CCDC30: variants seen among roughly 807,000 people sequenced by gnomAD.
The protein encoded by CCDC30 is coiled-coil domain-containing protein 30.
CCDC30 carries 70 observed loss-of-function variants against 100.2 expected under a neutral mutation model. The ratio of observed to expected loss-of-function variants is 0.70; its 90% CI spans 0.58 to 0.85. The LOEUF is 0.85. Ranked by LOEUF, CCDC30 falls within the 40% of genes least tolerant of loss-of-function variation. CCDC30 has a pLI of 0.00. For synonymous variants in CCDC30, 233 were observed against 269.5 expected (o/e 0.86, Z 1.33); for missense variants, 652 against 771.2 (o/e 0.85, Z 1.83).
At chr1:42,511,309 T>G (rs1486102804) in intron 6 of CCDC30, among the ~76,000 whole-genome samples, 3 of 152,162 alleles carry the variant, frequency 2.0e-5, no homozygotes, top group African/African-American at 7.2e-5. Context: ...TTATGTGATC[T>G]GCATCCTCCC....
intron 13 of CCDC30, 63 bp from the exon 18 acceptor site, chr1:42,644,630 T>C (rs2148689560): frequency 1.0e-6 from 1 of 974,008 alleles, no homozygotes; most frequent in Non-Finnish European, 1.6e-6. Context: ...TGGGATGTAG[T>C]TTTGGGTTTT....
rs1284700956 is a variant in CCDC30, at chr1:42,536,474, A to AT, written c.457-29822_457-29821insT. On this transcript the variant is annotated intron_variant, in intron 6 of 16. Coordinates refer to ENST00000668663, the Ensembl canonical transcript of CCDC30. ...ATTAATTATGTAAAATGCTTTTTAC[A>AT]GATCCTGAAAATGAGCCAAGAAAAA... 1.3e-6 allele frequency: 2 copies of AT among 1,586,572 alleles called. No homozygotes were observed. The highest frequency in any genetic ancestry group is 1.1e-5 in the South Asian group (1 of 87,734).
chr1:42,465,275 C>T (rs376702561), intron 1 of CCDC30, among the ~76,000 whole-genome samples: 10 of 152,274 alleles, frequency 6.6e-5, no homozygotes, highest in South Asian at 2.1e-4. Context: ...CGCACCACTG[C>T]GCTCCAACCT....
intron 14 of CCDC30, among the ~76,000 whole-genome samples, chr1:42,645,787 T>C (rs368022164): frequency 6.6e-6 from 1 of 152,240 alleles, no homozygotes; most frequent in East Asian, 1.9e-4. Context: ...TTCATTCTTT[T>C]ACTTATTCAT....
At chr1:42,617,052 C>T (rs1646739494) in intron 11 of CCDC30, among the ~76,000 whole-genome samples, 1 of 152,090 alleles carries the variant, frequency 6.6e-6, no homozygotes, top group Non-Finnish European at 1.5e-5. Context: ...ACAAAAGATG[C>T]TTATAAAAGG....
chr1:42,473,611 T>C (rs1569711506), intron 1 of CCDC30: 1 of 257,892 alleles, frequency 3.9e-6, no homozygotes, highest in East Asian at 6.7e-5. Flanking sequence ...TGACTCTTTT[T>C]TTTGAAGGCT....
At chr1:42,500,406 C>T (rs1644292630) in intron 6 of CCDC30, 3 of 987,060 alleles carry the variant, frequency 3.0e-6, no homozygotes, top group South Asian at 1.4e-5. Flanking sequence ...CAGTGGCCAC[C>T]ACCGAGTTCT....
intron 5 of CCDC30, among the ~76,000 whole-genome samples, chr1:42,498,070 A>C (rs12564046): frequency 0.14 from 20,702 of 152,264 alleles, 1,544 homozygotes; most frequent in East Asian, 0.18. Context: ...TGGTATAGCC[A>C]TACAATGGAA....
At chr1:42,470,107 G>T (rs1322667208) in intron 1 of CCDC30, among the ~76,000 whole-genome samples, 1 of 152,152 alleles carries the variant, frequency 6.6e-6, no homozygotes, top group Non-Finnish European at 1.5e-5. Flanking sequence ...AAGATAACTG[G>T]GGATGTTGGT....
the CCDC30 span, chr1:42,456,147 T>C: frequency 5.9e-6 from 4 of 673,844 alleles, no homozygotes; most frequent in African/African-American, 3.6e-5. Context: ...TCTGGGTGTA[T>C]TGCTGAAGTT....
chr1:42,528,907 G>A (rs1294503970), intron 6 of CCDC30, among the ~76,000 whole-genome samples: 2 of 152,176 alleles, frequency 1.3e-5, no homozygotes, highest in Non-Finnish European at 2.9e-5. Flanking sequence ...GTTCAGAAAA[G>A]ATCACATGGT....
At chr1:42,569,840 G>T (rs1383632381) in intron 7 of CCDC30, among the ~76,000 whole-genome samples, 1 of 152,180 alleles carries the variant, frequency 6.6e-6, no homozygotes, top group Non-Finnish European at 1.5e-5. Flanking sequence ...CATGGATGAA[G>T]CTGGAAACCA....
chr1:42,492,207 C>A, intron 4 of CCDC30: 1 of 221,464 alleles, frequency 4.5e-6, no homozygotes, highest in South Asian at 6.9e-5. Context: ...ACCAACAGGT[C>A]TGCGAAATCC....
chr1:42,499,498 T>G (rs769461061), intron 6 of CCDC30, among the ~76,000 whole-genome samples: 1 of 152,066 alleles, frequency 6.6e-6, no homozygotes, highest in Non-Finnish European at 1.5e-5. Flanking sequence ...TTTTTAGAGA[T>G]AGGTTTTCAC....
At chr1:42,494,248 A>G (rs934974445) in intron 4 of CCDC30, among the ~76,000 whole-genome samples, 13 of 152,222 alleles carry the variant, frequency 8.5e-5, no homozygotes, top group Non-Finnish European at 1.5e-4. Context: ...AAAACAAGCA[A>G]TGGGGAAAGG....
intron 6 of CCDC30, among the ~76,000 whole-genome samples, chr1:42,538,149 C>CAAAAAAAAAAAAAAAA (rs776412637): frequency 1.2e-5 from 1 of 82,378 alleles, no homozygotes; most frequent in African/African-American, 6.6e-5. Context: ...ACTGTCTCCA[C>CAAAAAAAAAAAAAAAA]AAAAAAAAAA....
chr1:42,574,582 T>C (rs1442946766), intron 7 of CCDC30, among the ~76,000 whole-genome samples: 14 of 152,168 alleles, frequency 9.2e-5, no homozygotes, highest in Non-Finnish European at 2.1e-4. Context: ...AACCAAATTT[T>C]AGCTTGTTGA....
At chr1:42,538,073 A>G (rs901517513) in intron 6 of CCDC30, 1 of 147,156 alleles carries the variant, frequency 6.8e-6, no homozygotes, top group East Asian at 2.0e-4. Flanking sequence ...TAATCCCAGC[A>G]CTTTGGGAGG....
At chr1:42,640,449 C>T (rs1647302273) in intron 12 of CCDC30, among the ~76,000 whole-genome samples, 1 of 152,170 alleles carries the variant, frequency 6.6e-6, no homozygotes, top group African/African-American at 2.4e-5. Flanking sequence ...TGCTTCTATT[C>T]TCAATCCTTA....
Sources: gnomAD v4.1 joint callset for allele counts (sites outside exome capture counted in the v4.1 genomes callset) on GRCh38, gnomAD v4.1.1 for gene constraint, MANE v1.5 for transcripts, NCBI Gene and HGNC (gene_info 2026-07-23, HGNC 2026-07-21) for gene names.